Variants in LTBP1 observed in about 807,000 individuals in gnomAD.
The protein encoded by LTBP1 is latent transforming growth factor beta binding protein 1, also known as latent-transforming growth factor beta-binding protein 1.
In LTBP1, 129 loss-of-function variants were observed where a neutral mutation model predicts 207.6. The ratio of observed to expected loss-of-function variants is 0.62; its 90% CI spans 0.54 to 0.72. LTBP1 has a LOEUF of 0.72. Among genes scored for constraint, LTBP1 ranks in the 30% least tolerant of loss-of-function variants. LTBP1 has a pLI of 0.00. For missense variants in LTBP1, 2,281 were observed against 2,217.2 expected (o/e 1.03, Z -0.58); for synonymous variants, 963 against 833.7 (o/e 1.16, Z -2.67).
chr2:33,198,192 G>A (rs999026907), intron 7 of LTBP1, among the ~76,000 whole-genome samples: 3 of 152,156 alleles, frequency 2.0e-5, no homozygotes, highest in African/African-American at 7.2e-5. Flanking sequence ...TTATATGCTG[G>A]ATTACATTTA....
intron 26 of LTBP1, among the ~76,000 whole-genome samples, chr2:33,355,580 A>T (rs891781906): frequency 2.6e-5 from 4 of 152,152 alleles, no homozygotes; most frequent in African/African-American, 7.2e-5. Context: ...TCCCATGGAT[A>T]CAGAGGGCTG....
rs1282679732 is a variant in LTBP1 at position 32,952,695 on chromosome 2, C to T, written c.565+3750C>T. On this transcript the variant is annotated intron_variant, in intron 2 of 33. Transcript: ENST00000404816. ...CCTCCCCCCATGCCCTGCATTGGTT[C>T]TGCCAGTCTTTTTGCCCCCGTCTCA... Among the ~76,000 whole-genome samples, 5 of 152,080 alleles carry T rather than the reference C, an allele frequency of 3.3e-5. No homozygotes were observed. The East Asian group carries it at 9.7e-4, about 29-fold the overall frequency.
At position 33,004,905 on chromosome 2, in the gene LTBP1, T is replaced by C. The variant is rs376727910; in HGVS notation, c.566-16004T>C. ...ACCTGGTAACTTGGCCAGGAAATCA[T>C]TGGAAAGCTGGCTTTGCATTTGTAT... On this transcript the variant is annotated intron_variant, in intron 2 of 33. Transcript: ENST00000404816. Among the ~76,000 whole-genome samples the C allele has an allele frequency of 5.0e-4, 75 of 151,314 alleles. No homozygotes were observed. In the East Asian group the frequency reaches 0.012, roughly 24 times the overall value.
chr2:32,965,871 A>G (rs2148499907), intron 2 of LTBP1, among the ~76,000 whole-genome samples: 1 of 152,362 alleles, frequency 6.6e-6, no homozygotes, highest in South Asian at 2.1e-4. Flanking sequence ...CTGTATAGTA[A>G]GAGTATGTTT....
intron 3 of LTBP1, among the ~76,000 whole-genome samples, chr2:33,033,225 T>C (rs1043839967): frequency 1.7e-4 from 26 of 152,324 alleles, no homozygotes; most frequent in Non-Finnish European, 3.4e-4. Context: ...GTGGTTTTTT[T>C]TTTCATTTTT....
chr2:33,096,568 G>A (rs942425736), intron 3 of LTBP1, among the ~76,000 whole-genome samples: 1 of 152,214 alleles, frequency 6.6e-6, no homozygotes, highest in Non-Finnish European at 1.5e-5. Context: ...AGGATCATTG[G>A]TGGCAATTTT....
intron 20 of LTBP1, among the ~76,000 whole-genome samples, chr2:33,294,727 C>T (rs570274297): frequency 2.0e-5 from 3 of 151,340 alleles, no homozygotes; most frequent in Admixed American, 1.3e-4. Context: ...TACAGGCACC[C>T]GCCATCATGC....
chr2:33,108,281 G>A (rs536219942), intron 3 of LTBP1, among the ~76,000 whole-genome samples: 2 of 152,084 alleles, frequency 1.3e-5, no homozygotes, highest in South Asian at 4.2e-4. Flanking sequence ...GCACCTCATG[G>A]GGGGAAGCGG....
At chr2:33,192,669 A>T (rs2088037890) in intron 7 of LTBP1, among the ~76,000 whole-genome samples, 1 of 152,214 alleles carries the variant, frequency 6.6e-6, no homozygotes, top group Admixed American at 6.5e-5. Context: ...ATAGTTGGGG[A>T]AATTTGAACA....
In LTBP1 at chr2:33,118,378, T is replaced by A. The variant is rs1358507108; in HGVS notation, c.1033+7627T>A. Among the ~76,000 whole-genome samples, 4 of 152,176 alleles carry A rather than the reference T, an allele frequency of 2.6e-5. No individual in the cohort carries two copies. In the East Asian group the frequency reaches 7.7e-4, roughly 29 times the overall value. ...TATTAGGTGTGAAAACAAACTGTTT[T>A]AAAGAAGGAATAATGATAAAGCTTT... is the stretch of plus-strand genomic sequence containing the variant. On this transcript the variant is annotated intron_variant, in intron 4 of 33. Coordinates refer to ENST00000404816, the MANE Select transcript of LTBP1 (RefSeq NM_206943.4).
chr2:33,056,343 T>C (rs113063354), intron 3 of LTBP1: 53,286 of 1,224,400 alleles, frequency 0.044, 1,616 homozygotes, highest in Non-Finnish European at 0.051. Context: ...TTATTTGCTT[T>C]TGGCTTTGTG....
rs763459723 is a variant in LTBP1 at position 33,309,576 on chromosome 2, C to T, written c.3604+20C>T. ...GTCAAGGTATTTCTTGCTCTTTTTTCCCCAGTCATTATTTACGTAATTCTT... is the reference window on the plus strand; with the variant it reads ...GTCAAGGTATTTCTTGCTCTTTTTTTCCCAGTCATTATTTACGTAATTCTT... On this transcript the variant is annotated intron_variant, in intron 23 of 33. Coordinates refer to ENST00000404816, the MANE Select transcript of LTBP1 (RefSeq NM_206943.4). 1 of 1,598,956 alleles carries T rather than the reference C, an allele frequency of 6.3e-7. No individual in the cohort carries two copies. Among genetic ancestry groups the T allele is most frequent in the African/African-American group, 1.4e-5 (1 of 73,948 alleles).
intron 2 of LTBP1, among the ~76,000 whole-genome samples, chr2:33,010,532 C>T (rs1028811222): frequency 6.6e-6 from 1 of 151,952 alleles, no homozygotes; most frequent in Admixed American, 6.6e-5. Flanking sequence ...GAAATGTTCC[C>T]AACACATAGA....
chr2:33,362,191 A>T (rs1180531494), intron 28 of LTBP1, among the ~76,000 whole-genome samples: 1 of 152,014 alleles, frequency 6.6e-6, no homozygotes, highest in African/African-American at 2.4e-5. Flanking sequence ...ATACAAAGTG[A>T]TTTTTTTTCC....
chr2:33,340,659 G>C (rs1211170355), intron 24 of LTBP1, among the ~76,000 whole-genome samples: 1 of 152,076 alleles, frequency 6.6e-6, no homozygotes, highest in Non-Finnish European at 1.5e-5. Context: ...TAAGATTCTA[G>C]GTCATTGAGG....
At chr2:33,316,862 T>A (rs757670771) in intron 24 of LTBP1, among the ~76,000 whole-genome samples, 15 of 152,172 alleles carry the variant, frequency 9.9e-5, no homozygotes, top group African/African-American at 3.6e-4. Context: ...TCTAGAAGGA[T>A]GCAGGTTTGC....
chr2:33,264,127 G>A (rs2093104502), intron 15 of LTBP1, among the ~76,000 whole-genome samples: 1 of 151,476 alleles, frequency 6.6e-6, no homozygotes, highest in South Asian at 2.1e-4. Context: ...CTGGTGGCAG[G>A]CATCTGTAGT....
At chr2:33,394,788 GCT>G (rs1245708613) in intron 32 of LTBP1, among the ~76,000 whole-genome samples, 1 of 152,172 alleles carries the variant, frequency 6.6e-6, no homozygotes, top group African/African-American at 2.4e-5. Context: ...GGCAATGCAG[GCT>G]CTTTTTTGGT....
intron 13 of LTBP1, among the ~76,000 whole-genome samples, 187 bp downstream of exon 13, chr2:33,259,797 TCTC>T (rs1261433565): frequency 1.3e-5 from 2 of 152,176 alleles, no homozygotes; most frequent in African/African-American, 2.4e-5. Flanking sequence ...TTGGGACTCT[TCTC>T]AGTGTTAGGA....
Sources: gnomAD v4.1 joint callset for allele counts (sites outside exome capture counted in the v4.1 genomes callset) on GRCh38, gnomAD v4.1.1 for gene constraint, MANE v1.5 for transcripts, NCBI Gene and HGNC (gene_info 2026-07-23, HGNC 2026-07-21) for gene names.